RAB30: variants seen among roughly 807,000 people sequenced by gnomAD.
RAB30 encodes RAB30, member RAS oncogene family.
RAB30 carries 9 observed loss-of-function variants against 25.1 expected under a neutral mutation model. The observed-to-expected ratio is 0.36, with a 90% CI of 0.22 to 0.63. The LOEUF is 0.63. Among genes scored for constraint, RAB30 ranks in the 20% least tolerant of loss-of-function variants. The pLI is 0.69. For synonymous variants in RAB30, 77 were observed against 86.4 expected, an observed-to-expected ratio of 0.89 and a Z score of 0.60; for missense variants, 140 against 243.5, an observed-to-expected ratio of 0.58 and a Z score of 2.83.
At chr11:83,002,060 G>T (rs1032813260) in intron 1 of RAB30, among the ~76,000 whole-genome samples, 1 of 152,124 alleles carries the variant, frequency 6.6e-6, no homozygotes, top group African/African-American at 2.4e-5. Context: ...GTTAGTCTCA[G>T]GAACAGGATT....
intron 1 of RAB30, among the ~76,000 whole-genome samples, chr11:83,054,261 C>A (rs1590877553): frequency 1.3e-5 from 2 of 152,134 alleles, no homozygotes; most frequent in African/African-American, 4.8e-5. Flanking sequence ...ATGTACACTG[C>A]CAGCATTATG....
chr11:83,026,360 G>T (rs1476729471), intron 1 of RAB30, among the ~76,000 whole-genome samples: 1 of 152,204 alleles, frequency 6.6e-6, no homozygotes, highest in Non-Finnish European at 1.5e-5. Flanking sequence ...TGAGGTGTTT[G>T]GATCATGGGA....
chr11:83,049,488 GT>G (rs71463145), intron 1 of RAB30, among the ~76,000 whole-genome samples: 8,729 of 144,240 alleles, frequency 0.061, 381 homozygotes, highest in Non-Finnish European at 0.094. Context: ...CAGTTTTTGT[GT>G]TTTTTTTTTG....
chr11:83,000,998 G>A (rs1435569720), intron 1 of RAB30, among the ~76,000 whole-genome samples: 2 of 127,020 alleles, frequency 1.6e-5, no homozygotes, highest in African/African-American at 6.0e-5. Flanking sequence ...AGTGAGCTGA[G>A]ATCGCGCCAC....
At chr11:83,046,441 T>C (rs1328632755) in intron 1 of RAB30, among the ~76,000 whole-genome samples, 1 of 152,142 alleles carries the variant, frequency 6.6e-6, no homozygotes, top group Non-Finnish European at 1.5e-5. Context: ...TGGCAAACTA[T>C]GGCTCATAGG....
intron 1 of RAB30, among the ~76,000 whole-genome samples, chr11:83,050,642 G>GATGA (rs766081203): frequency 1.3e-5 from 2 of 152,160 alleles, no homozygotes; most frequent in Non-Finnish European, 2.9e-5. Context: ...GTTTTAAAGT[G>GATGA]ATGAATATGA....
chr11:82,993,923 T>A, intron 3 of RAB30, 116 bp downstream of exon 3: 1 of 783,364 alleles, frequency 1.3e-6, no homozygotes, highest in East Asian at 2.6e-5. Flanking sequence ...TATGGCTGAG[T>A]GCATTGTTTC....
intron 1 of RAB30, among the ~76,000 whole-genome samples, chr11:83,054,066 G>C (rs889914613): frequency 1.3e-5 from 2 of 152,154 alleles, no homozygotes; most frequent in African/African-American, 2.4e-5. Context: ...CTCCAGCCTG[G>C]GTGACAGACA....
intron 1 of RAB30, among the ~76,000 whole-genome samples, chr11:83,030,796 C>CAAA (rs199607255): frequency 8.4e-6 from 1 of 118,718 alleles, no homozygotes. Flanking sequence ...GACTCCACCT[C>CAAA]AAAAAAAAAA....
chr11:83,005,726 G>A (rs534332686), intron 1 of RAB30, among the ~76,000 whole-genome samples: 1 of 152,016 alleles, frequency 6.6e-6, no homozygotes, highest in Middle Eastern at 3.4e-3. Context: ...AGGCTATAAA[G>A]TAAAAAGGCT....
At chr11:83,064,907 T>C (rs1343814644) in intron 1 of RAB30, among the ~76,000 whole-genome samples, 9 of 152,098 alleles carry the variant, frequency 5.9e-5, no homozygotes, top group Non-Finnish European at 1.5e-5. Context: ...AAGTCCAGGA[T>C]CCAATCTAGG....
chr11:83,031,428 T>A (rs574144211), intron 1 of RAB30, among the ~76,000 whole-genome samples: 1 of 152,358 alleles, frequency 6.6e-6, no homozygotes, highest in East Asian at 1.9e-4. Context: ...CTTTCCCCCA[T>A]CTTTCCAATA....
intron 1 of RAB30, among the ~76,000 whole-genome samples, chr11:83,059,156 G>A (rs1402075174): frequency 6.6e-6 from 1 of 152,084 alleles, no homozygotes; most frequent in Non-Finnish European, 1.5e-5. Flanking sequence ...TGCCTAAACT[G>A]GTCTCAAACT....
At chr11:83,054,803 G>A (rs141975618) in intron 1 of RAB30, among the ~76,000 whole-genome samples, 4 of 152,094 alleles carry the variant, frequency 2.6e-5, no homozygotes, top group African/African-American at 9.7e-5. Flanking sequence ...GGAGGTTAAG[G>A]CTGCAGTGAG....
chr11:83,018,941 C>A (rs1407701075), intron 1 of RAB30, among the ~76,000 whole-genome samples: 1 of 152,162 alleles, frequency 6.6e-6, no homozygotes, highest in Non-Finnish European at 1.5e-5. Context: ...TGTCCTTACC[C>A]CACTTTATAT....
chr11:83,037,810 T>A (rs1466726192), intron 1 of RAB30, among the ~76,000 whole-genome samples: 9 of 152,140 alleles, frequency 5.9e-5, no homozygotes, highest in Non-Finnish European at 1.2e-4. Flanking sequence ...CTGGTGAAGA[T>A]AAAGTGTTTG....
chr11:82,985,523 A>T (rs1368089881), intron 4 of RAB30, among the ~76,000 whole-genome samples: 1 of 152,130 alleles, frequency 6.6e-6, no homozygotes, highest in Non-Finnish European at 1.5e-5. Flanking sequence ...AATCTGCAAG[A>T]AATATAGGTG....
intron 1 of RAB30, among the ~76,000 whole-genome samples, chr11:83,018,297 CAAAAAAAAAA>C (rs904843218): frequency 2.9e-5 from 2 of 68,562 alleles, no homozygotes; most frequent in Non-Finnish European, 6.6e-5. Flanking sequence ...GACTCCATCT[CAAAAAAAAAA>C]AAAAAAAAAA....
chr11:83,062,733 G>A (rs147603204), intron 1 of RAB30, among the ~76,000 whole-genome samples: 1 of 152,272 alleles, frequency 6.6e-6, no homozygotes, highest in East Asian at 1.9e-4. Context: ...AGGCATGGTG[G>A]CTCACACCTG....
Sources: allele counts gnomAD v4.1 joint callset (sites outside exome capture counted in the v4.1 genomes callset), GRCh38; gene constraint gnomAD v4.1.1; transcripts MANE v1.5; gene names NCBI Gene and HGNC (gene_info 2026-07-23, HGNC 2026-07-21).